ADAM20: variants seen among roughly 807,000 people sequenced by gnomAD.
The protein encoded by ADAM20 is ADAM metallopeptidase domain 20.
For missense variants in ADAM20, 871 were observed against 883.2 expected, an observed-to-expected ratio of 0.99 and a Z score of 0.18; for synonymous variants, 305 against 310.2, an observed-to-expected ratio of 0.98 and a Z score of 0.18.
At chr14:70,556,787 G>T in the ADAM20 span, 1 of 152,168 alleles carries the variant, frequency 6.6e-6, no homozygotes, top group South Asian at 2.1e-4. Flanking sequence ...CACAGGTTCT[G>T]CAGGGCCAAC....
chr14:70,571,343 T>C, the ADAM20 span, among the ~76,000 whole-genome samples: 1 of 152,144 alleles, frequency 6.6e-6, no homozygotes, highest in Non-Finnish European at 1.5e-5. Context: ...GTTCTTGGGA[T>C]AGTGAATCAG....
At chr14:70,566,197 T>C in the ADAM20 span, among the ~76,000 whole-genome samples, 1 of 152,174 alleles carries the variant, frequency 6.6e-6, no homozygotes. Flanking sequence ...AGTATGTAAG[T>C]CACTTTTAAC....
chr14:70,578,143 A>G, the ADAM20 span, among the ~76,000 whole-genome samples: 1 of 152,208 alleles, frequency 6.6e-6, no homozygotes, highest in Admixed American at 6.5e-5. Flanking sequence ...CTGAATTCAC[A>G]TCCAGAATAT....
chr14:70,538,549 G>T (rs531554978), upstream of ADAM20, among the ~76,000 whole-genome samples: 1 of 152,188 alleles, frequency 6.6e-6, no homozygotes, highest in African/African-American at 2.4e-5. Flanking sequence ...TTTTTTCCCA[G>T]TTAACTGAAT....
At chr14:70,533,427 A>G (rs1883756846) in intron 1 of ADAM20, among the ~76,000 whole-genome samples, 1 of 152,226 alleles carries the variant, frequency 6.6e-6, no homozygotes, top group Admixed American at 6.5e-5. Flanking sequence ...GCCATAAAAA[A>G]GAATGAGTTT....
chr14:70,579,192 T>C, the ADAM20 span, among the ~76,000 whole-genome samples: 1 of 152,070 alleles, frequency 6.6e-6, no homozygotes, highest in South Asian at 2.1e-4. Context: ...TTTCCTTTGG[T>C]AGGATACCCA....
At chr14:70,575,931 G>A in the ADAM20 span, among the ~76,000 whole-genome samples, 7,552 of 152,202 alleles carry the variant, frequency 0.05, 365 homozygotes, top group African/African-American at 0.13. Context: ...TCAATTAATA[G>A]TGTTGTGTGA....
Position 70,524,907 on chromosome 14 carries a change from T to G in ADAM20, c.-150A>C. 6.2e-7 allele frequency: 1 copy of G among 1,605,052 alleles called. No individual in the cohort carries two copies. The highest frequency in any genetic ancestry group is 1.1e-5 in the South Asian group (1 of 90,010). On this transcript the variant is annotated 5_prime_UTR_variant, in exon 2 of 2. An upstream start codon of the reference 5' UTR is lost. Transcript: ENST00000256389. ...TCTGTGTCCTGGTGGAGCTGGACCA[T>G]CAGAGCTGCAGTGCTGAAAATAAAA...
the ADAM20 span, among the ~76,000 whole-genome samples, chr14:70,574,346 C>T: frequency 2.0e-5 from 3 of 152,068 alleles, no homozygotes; most frequent in Non-Finnish European, 2.9e-5. Flanking sequence ...GCAATATATG[C>T]TACATTAAGA....
At chr14:70,576,839 A>T in the ADAM20 span, among the ~76,000 whole-genome samples, 67 of 152,346 alleles carry the variant, frequency 4.4e-4, no homozygotes, top group African/African-American at 1.6e-3. Context: ...TGACTTGCTA[A>T]CGTTTTCCCG....
rs182445618 is a variant in ADAM20 at position 70,526,602 on chromosome 14, A to G, written c.-176-1669T>C. On this transcript the variant is annotated intron_variant, in intron 1 of 1. Coordinates refer to ENST00000256389, the MANE Select transcript of ADAM20 (RefSeq NM_003814.5). ...TATATTACATATAGTCAGAAATATG[A>G]TGAGGTTATAATACAAAAGTTTATT... 2.0e-5 allele frequency among the ~76,000 whole-genome samples: 3 copies of G among 152,298 alleles called. No individual in the cohort carries two copies. The East Asian group carries it at 5.8e-4, about 29-fold the overall frequency.
the ADAM20 span, among the ~76,000 whole-genome samples, chr14:70,546,428 T>C: frequency 2.6e-5 from 4 of 152,278 alleles, no homozygotes; most frequent in South Asian, 2.1e-4. Flanking sequence ...AAGAAGTAGA[T>C]TGATTCCATC....
At chr14:70,546,779 A>G in the ADAM20 span, among the ~76,000 whole-genome samples, 1 of 152,200 alleles carries the variant, frequency 6.6e-6, no homozygotes, top group East Asian at 1.9e-4. Flanking sequence ...CCAAACCCCA[A>G]ATTAGTAAAA....
chr14:70,538,706 G>A (rs993089866), upstream of ADAM20, among the ~76,000 whole-genome samples: 1 of 152,130 alleles, frequency 6.6e-6, no homozygotes, highest in Non-Finnish European at 1.5e-5. Context: ...CAGAACCCCT[G>A]GAATTAGAGG....
chr14:70,523,981 T>C lies in ADAM20; in HGVS notation c.777A>G (p.Ile259Met). The change falls in exon 2 of 2, where the codon ATA (isoleucine) becomes ATG (methionine). Residue 259 changes from isoleucine (I) to methionine (M), a missense_variant. By Grantham distance (10) the Ile-to-Met change is conservative. Transcript: ENST00000256389. The stretch of plus-strand genomic sequence containing the variant: ...TAGGAAGTGGATTTGATGCAGTCCA[T>C]ATATCAATTCCAGTCAAAATTACAT... ...EVDVILTGID[I>M]WTASNPLPTS... 1 of 1,614,016 alleles carries C rather than the reference T, an allele frequency of 6.2e-7. No individual in the cohort carries two copies. Among genetic ancestry groups the C allele is most frequent in the South Asian group, 1.1e-5 (1 of 91,074 alleles).
Position 70,522,398 on chromosome 14 carries a change from AG to A in ADAM20, c.*178del. 1 of 647,772 alleles carries A rather than the reference AG, an allele frequency of 1.5e-6. No homozygotes were observed. The highest frequency in any genetic ancestry group is 2.6e-6 in the Non-Finnish European group (1 of 390,006). The allele number at this position is 647,772 out of a possible 1,614,324, so 40.1% of individuals were successfully genotyped here. On this transcript the variant is annotated 3_prime_UTR_variant, in exon 2 of 2. Coordinates refer to ENST00000256389, the MANE Select transcript of ADAM20 (RefSeq NM_003814.5). Reference sequence around the variant, plus strand: ...CCTTTAATATTGCTTAAGACACTGTAGAGTAAGTAAGAATAGGCTAGGAATC... The same window carrying A: ...CCTTTAATATTGCTTAAGACACTGTAAGTAAGTAAGAATAGGCTAGGAATC...
the ADAM20 span, chr14:70,556,842 A>G: frequency 6.6e-6 from 1 of 152,202 alleles, no homozygotes; most frequent in East Asian, 1.9e-4. Flanking sequence ...ATGGGAGTAT[A>G]CCTCAAAAAA....
the ADAM20 span, among the ~76,000 whole-genome samples, chr14:70,564,862 C>T: frequency 1.2e-4 from 17 of 147,274 alleles, no homozygotes; most frequent in East Asian, 3.4e-3. Context: ...GCCTGGGTGA[C>T]ACAGCAAGAC....
chr14:70,544,698 CTCA>C, the ADAM20 span, among the ~76,000 whole-genome samples: 2 of 151,988 alleles, frequency 1.3e-5, no homozygotes, highest in Non-Finnish European at 1.5e-5. Flanking sequence ...ATTGAATTTT[CTCA>C]TCATAAAGAA....
Sources: allele counts gnomAD v4.1 joint callset (sites outside exome capture counted in the v4.1 genomes callset), GRCh38; gene constraint gnomAD v4.1.1; transcripts MANE v1.5; gene names NCBI Gene and HGNC (gene_info 2026-07-23, HGNC 2026-07-21).